Variants in KCTD16 observed in about 807,000 individuals in gnomAD.
KCTD16 encodes potassium channel tetramerization domain containing 16.
A neutral mutation model predicts 33.2 loss-of-function variants in KCTD16; 13 were observed. That is an observed-to-expected ratio of 0.39 (90% CI 0.25 to 0.62). KCTD16 has a LOEUF of 0.62. KCTD16 is among the 20% of genes least tolerant of loss of function. The probability of loss-of-function intolerance (pLI) is 0.50; values close to 1 mark genes in which losing one functional copy is unlikely to be tolerated. For missense variants in KCTD16, 441 were observed against 525.1 expected (o/e 0.84, Z 1.57); for synonymous variants, 197 against 195.3 (o/e 1.01, Z -0.07).
intron 3 of KCTD16, among the ~76,000 whole-genome samples, chr5:144,337,477 A>G (rs1752519206): frequency 1.3e-5 from 2 of 152,186 alleles, no homozygotes; most frequent in Non-Finnish European, 2.9e-5. Flanking sequence ...TTGAAATTTT[A>G]TGATTGGTAG....
chr5:144,208,996 T>C (rs1175963541), intron 3 of KCTD16, among the ~76,000 whole-genome samples: 1 of 152,188 alleles, frequency 6.6e-6, no homozygotes, highest in Non-Finnish European at 1.5e-5. Context: ...AGATTCCGGC[T>C]TTTTAGCTTT....
chr5:144,386,669 C>G (rs562963104), intron 3 of KCTD16, among the ~76,000 whole-genome samples: 1 of 152,282 alleles, frequency 6.6e-6, no homozygotes, highest in East Asian at 1.9e-4. Flanking sequence ...GCTTAATGCA[C>G]TGCTTATAAG....
At chr5:144,465,659 C>A (rs1383204806) in intron 3 of KCTD16, among the ~76,000 whole-genome samples, 1 of 152,058 alleles carries the variant, frequency 6.6e-6, no homozygotes, top group Non-Finnish European at 1.5e-5. Context: ...TTCTGGTCAA[C>A]CCTCATTCCC....
intron 3 of KCTD16, among the ~76,000 whole-genome samples, chr5:144,316,559 G>A (rs2126881383): frequency 7.0e-6 from 1 of 141,956 alleles, no homozygotes; most frequent in South Asian, 2.2e-4. Flanking sequence ...TGCCTAGGGT[G>A]GAGTGCAGTG....
At chr5:144,423,790 GA>G (rs891252714) in intron 3 of KCTD16, among the ~76,000 whole-genome samples, 1 of 151,984 alleles carries the variant, frequency 6.6e-6, no homozygotes, top group Admixed American at 6.6e-5. Flanking sequence ...GGAGGTAAGA[GA>G]AAAAAAGTAA....
At chr5:144,207,704 A>T (rs907497911) in intron 3 of KCTD16, among the ~76,000 whole-genome samples, 158 bp downstream of exon 3, 2 of 152,222 alleles carry the variant, frequency 1.3e-5, no homozygotes, top group African/African-American at 2.4e-5. Context: ...TTCAGCTCTC[A>T]TGTCTAACCT....
intron 3 of KCTD16, among the ~76,000 whole-genome samples, chr5:144,308,692 T>C (rs191290559): frequency 1.4e-5 from 2 of 142,084 alleles, no homozygotes; most frequent in Admixed American, 1.4e-4. Context: ...TGAGGCCCAC[T>C]AAACTTAATG....
chr5:144,369,288 T>C (rs1178192856), intron 3 of KCTD16: 3 of 152,080 alleles, frequency 2.0e-5, no homozygotes, highest in Non-Finnish European at 4.4e-5. Flanking sequence ...ACATGGTGCA[T>C]GTAGCCTGGT....
intron 3 of KCTD16, among the ~76,000 whole-genome samples, chr5:144,457,726 G>A (rs993372630): frequency 7.2e-5 from 11 of 152,154 alleles, no homozygotes; most frequent in African/African-American, 2.7e-4. Flanking sequence ...TTATTATTTT[G>A]CAAAATGTTT....
In KCTD16 at chr5:144,395,294, A is replaced by G. The variant is rs147257968; in HGVS notation, c.833-78366A>G. 4.6e-3 allele frequency among the ~76,000 whole-genome samples: 701 copies of G among 152,268 alleles called. 5 individuals are homozygous for G. Among genetic ancestry groups the G allele is most frequent in the African/African-American group, 0.016 (671 of 41,552 alleles). Reference sequence around the variant, plus strand: ...TTTCACAGATAAGCATGGGGAGGCGATATGTCCGTGTCTGATATACTGAAC... The same window carrying G: ...TTTCACAGATAAGCATGGGGAGGCGGTATGTCCGTGTCTGATATACTGAAC... On this transcript the variant is annotated intron_variant, in intron 3 of 3. Coordinates refer to ENST00000512467, the MANE Select transcript of KCTD16 (RefSeq NM_020768.4).
intron 3 of KCTD16, among the ~76,000 whole-genome samples, chr5:144,334,894 A>G (rs1180263359): frequency 6.6e-6 from 1 of 151,938 alleles, no homozygotes; most frequent in African/African-American, 2.4e-5. Context: ...CTCCCACCTC[A>G]GCTTCCCTAG....
intron 3 of KCTD16, among the ~76,000 whole-genome samples, chr5:144,215,289 G>A (rs752866804): frequency 6.6e-6 from 1 of 152,046 alleles, no homozygotes; most frequent in Admixed American, 6.6e-5. Context: ...ATGTGACCAG[G>A]GTTTAAGGAG....
At chr5:144,314,495 G>T (rs548536603) in intron 3 of KCTD16, among the ~76,000 whole-genome samples, 4 of 152,246 alleles carry the variant, frequency 2.6e-5, no homozygotes, top group Admixed American at 6.5e-5. Flanking sequence ...TGGTCAGGTA[G>T]CCCAGTAATA....
chr5:144,353,109 G>A (rs2126909417), intron 3 of KCTD16, among the ~76,000 whole-genome samples: 1 of 152,316 alleles, frequency 6.6e-6, no homozygotes, highest in East Asian at 1.9e-4. Flanking sequence ...TGCCAAACTT[G>A]TAGGAACCTT....
At chr5:144,365,942 GT>G (rs1167220237) in intron 3 of KCTD16, among the ~76,000 whole-genome samples, 2 of 152,126 alleles carry the variant, frequency 1.3e-5, no homozygotes, top group Admixed American at 1.3e-4. Flanking sequence ...ATTTATGCTT[GT>G]TTATATAAAC....
At chr5:144,180,101 C>T (rs557809214) in intron 2 of KCTD16, among the ~76,000 whole-genome samples, 111 of 152,192 alleles carry the variant, frequency 7.3e-4, no homozygotes, top group South Asian at 6.4e-3. Flanking sequence ...AAGGTCTGAA[C>T]CAAGAAAAGA....
intron 2 of KCTD16, among the ~76,000 whole-genome samples, chr5:144,189,495 CAAA>C (rs5871868): frequency 2.2e-4 from 27 of 120,614 alleles, no homozygotes; most frequent in Admixed American, 5.6e-4. Flanking sequence ...GACTCCATCT[CAAA>C]AAAAAAAAAA....
chr5:144,298,919 T>C lies in KCTD16; in HGVS notation c.832+91373T>C, dbSNP rs150761991. ...TTATTATGTAGATGAATTTAGCCTC[T>C]CCAGGCTTCTTTCACCCAGTATCCT... On this transcript the variant is annotated intron_variant, in intron 3 of 3. Transcript: ENST00000512467. Among the ~76,000 whole-genome samples the C allele has an allele frequency of 1.2e-3, 184 of 149,756 alleles. 1 individual carries two copies. Among genetic ancestry groups the C allele is most frequent in the African/African-American group, 4.3e-3 (177 of 40,860 alleles).
intron 3 of KCTD16, among the ~76,000 whole-genome samples, chr5:144,398,195 C>G (rs766049506): frequency 7.2e-5 from 11 of 152,126 alleles, no homozygotes; most frequent in Non-Finnish European, 1.5e-4. Context: ...CCTTGCTTGG[C>G]TTTTGATTTT....
Sources: allele counts gnomAD v4.1 joint callset (sites outside exome capture counted in the v4.1 genomes callset), GRCh38; gene constraint gnomAD v4.1.1; transcripts MANE v1.5; gene names NCBI Gene and HGNC (gene_info 2026-07-23, HGNC 2026-07-21).